FBXO41: variants seen among roughly 807,000 people sequenced by gnomAD.
The protein encoded by FBXO41 is F-box only protein 41.
Under a neutral mutation model 81.6 loss-of-function variants are expected in FBXO41, and 33 were observed. The observed-to-expected ratio is 0.40, with a 90% confidence interval of 0.31 to 0.54. The LOEUF (loss-of-function observed/expected upper bound fraction) is 0.54. Among genes scored for constraint, FBXO41 ranks in the 20% least tolerant of loss-of-function variants. The pLI, the probability that FBXO41 is intolerant of heterozygous loss-of-function variation, is 0.39. For synonymous variants in FBXO41, 576 were observed against 552.7 expected (o/e 1.04, Z -0.59); for missense variants, 1,107 against 1,236.0 (o/e 0.90, Z 1.56).
chr2:73,276,529 G>C (rs980821008), intron 1 of FBXO41, among the ~76,000 whole-genome samples: 3 of 141,176 alleles, frequency 2.1e-5, no homozygotes, highest in African/African-American at 8.0e-5. Flanking sequence ...GAAAAGACCA[G>C]CAAAATAAAC....
In FBXO41 at chr2:73,260,516, C is replaced by T; in HGVS notation, c.2322G>A (p.Glu774=). Residue 774 remains glutamate (E), a synonymous_variant, in exon 11 of 13, where the codon GAG becomes GAA. Transcript: ENST00000520530. This position sits in a 1 kb window ranked among gnomAD's most constrained non-coding sequence, Gnocchi z 5.0. Reference sequence around the variant, plus strand: ...GGGTGATCTCTGACACGTGGTCAAGCTCCAGGACCTGCAGCCGCATGCAGT... The same window carrying T: ...GGGTGATCTCTGACACGTGGTCAAGTTCCAGGACCTGCAGCCGCATGCAGT... ...ARNCMRLQVL[E]LDHVSEITQE... The T allele has an allele frequency of 1.3e-6, 2 of 1,599,618 alleles. No homozygotes were observed. Among genetic ancestry groups the T allele is most frequent in the Admixed American group, 3.5e-5 (2 of 57,942 alleles).
In FBXO41 at chr2:73,269,541, C is replaced by A; in HGVS notation, c.90G>T (p.Glu30Asp). Reference sequence around the variant, plus strand: ...AGAGCGTCTCGTAGGTGTGGCTGTACTCCAGGTGCGCGCGCAGCGACGACA... The same window carrying A: ...AGAGCGTCTCGTAGGTGTGGCTGTAATCCAGGTGCGCGCGCAGCGACGACA... ...RSLSSLRAHL[E>D]YSHTYETLYI... Residue 30 changes from glutamate to aspartate, a missense_variant, in exon 2 of 13, where the codon GAG becomes GAT. This residue lies in a region of FBXO41 where 771 missense variants were observed against 789.2 expected (regional missense o/e 0.98). Transcript: ENST00000520530. This position sits in a 1 kb window ranked among gnomAD's most constrained non-coding sequence, Gnocchi z 7.0. 1 of 1,367,718 alleles carries A rather than the reference C, an allele frequency of 7.3e-7. No homozygotes were observed. The highest frequency in any genetic ancestry group is 9.5e-7 in the Non-Finnish European group (1 of 1,050,682). The allele number at this position is 1,367,718 out of a possible 1,614,324, so 84.7% of individuals were successfully genotyped here.
intron 1 of FBXO41, among the ~76,000 whole-genome samples, chr2:73,274,662 A>C (rs1458147583): frequency 2.0e-5 from 3 of 152,214 alleles, no homozygotes; most frequent in Non-Finnish European, 4.4e-5. Flanking sequence ...CTAATACCAT[A>C]GACTGACAAT....
At chr2:73,263,552 C>T (rs1688099467) in intron 8 of FBXO41, 126 bp downstream of exon 8, 2 of 1,255,994 alleles carry the variant, frequency 1.6e-6, no homozygotes, top group Non-Finnish European at 2.2e-6. Flanking sequence ...GGCTTCCTTT[C>T]CTTCAGCCAT....
chr2:73,263,864 C>T (rs1364677783), intron 7 of FBXO41, 34 bp from the exon 8 acceptor site: 2 of 1,614,072 alleles, frequency 1.2e-6, no homozygotes, highest in Non-Finnish European at 1.7e-6. Flanking sequence ...GAGCTGGCAA[C>T]CTCCTCCTCT....
At chr2:73,265,003 A>G (rs1192818158) in intron 5 of FBXO41, among the ~76,000 whole-genome samples, 2 of 152,062 alleles carry the variant, frequency 1.3e-5, no homozygotes, top group Non-Finnish European at 2.9e-5. Flanking sequence ...GGGGCTTCAG[A>G]GTTTGGAGGC....
intron 1 of FBXO41, among the ~76,000 whole-genome samples, chr2:73,278,951 G>A (rs543150707): frequency 6.6e-6 from 1 of 152,322 alleles, no homozygotes; most frequent in African/African-American, 2.4e-5. Flanking sequence ...ATGGGGTAGT[G>A]TTTGTAGAAT....
rs1688428011 is a variant in FBXO41 at position 73,269,689 on chromosome 2, G to A, written c.-59C>T. On this transcript the variant is annotated 5_prime_UTR_variant, in exon 2 of 13. Transcript: ENST00000520530. The surrounding 1 kb of genome is among the most constrained non-coding windows in gnomAD (Gnocchi z 7.0). ...CGCGGCCGCCCCGCCGGTCAGCCGG[G>A]CGCGCTCATGGGGGACCGCGGGCGA... The A allele has an allele frequency of 9.0e-7, 1 of 1,115,708 alleles. No individual in the cohort carries two copies. Among genetic ancestry groups the A allele is most frequent in the South Asian group, 4.2e-5 (1 of 23,766 alleles). The allele number at this position is 1,115,708 out of a possible 1,614,324, so 69.1% of individuals were successfully genotyped here.
rs1687812552 is a variant in FBXO41 at position 73,256,367 on chromosome 2, T to G, written c.*2615A>C. ...CTCCCAGCAAGCAAAAGCTCCCTAC[T>G]CAGCAGCAGAGCTCATCCCCGAGGA... is the stretch of plus-strand genomic sequence containing the variant. On this transcript the variant is annotated 3_prime_UTR_variant, in exon 13 of 13. Transcript: ENST00000520530. 1 of 152,294 alleles carries G rather than the reference T, an allele frequency of 6.6e-6. No individual in the cohort carries two copies. Among genetic ancestry groups the G allele is most frequent in the South Asian group, 2.1e-4 (1 of 4,826 alleles). The allele number at this position is 152,294 out of a possible 1,614,324, so 9.4% of individuals were successfully genotyped here.
At chr2:73,265,210 AG>A (rs920739436) in intron 5 of FBXO41, 71 bp downstream of exon 5, 40 of 1,388,876 alleles carry the variant, frequency 2.9e-5, no homozygotes, top group South Asian at 1.1e-4. Flanking sequence ...GGGAAAGGGG[AG>A]GGGGGTGCAG....
chr2:73,274,343 A>G (rs1405535021), intron 1 of FBXO41, among the ~76,000 whole-genome samples: 1 of 152,194 alleles, frequency 6.6e-6, no homozygotes, highest in Admixed American at 6.5e-5. Context: ...GCTCATTTTC[A>G]TACTGAACAT....
intron 2 of FBXO41, among the ~76,000 whole-genome samples, chr2:73,267,759 G>A (rs1270277668): frequency 6.6e-6 from 1 of 152,148 alleles, no homozygotes; most frequent in African/African-American, 2.4e-5. Context: ...TGCCTTAAAT[G>A]TGCTCAGAGC....
intron 1 of FBXO41, among the ~76,000 whole-genome samples, chr2:73,283,291 C>A (rs1295831226): frequency 6.6e-6 from 1 of 152,212 alleles, no homozygotes; most frequent in African/African-American, 2.4e-5. Context: ...AACATGTATA[C>A]CTCCCAGAGT....
At chr2:73,279,870 G>A (rs1688797305) in intron 1 of FBXO41, among the ~76,000 whole-genome samples, 1 of 152,204 alleles carries the variant, frequency 6.6e-6, no homozygotes, top group East Asian at 1.9e-4. Context: ...CCCGAGGCAC[G>A]AATAATTCAA....
rs780591267 is a variant in FBXO41 at position 73,266,432 on chromosome 2, G to A, written c.1131+25C>T. On this transcript the variant is annotated intron_variant, in intron 3 of 12. Coordinates refer to ENST00000520530, the MANE Select transcript of FBXO41 (RefSeq NM_001371389.2). The surrounding 1 kb of genome is among the most constrained non-coding windows in gnomAD (Gnocchi z 5.3). ...GTGGGGGGCCAGGTGTGCAGGTAGAGGAGGGAAGGCAGGTGGGCACTCACC... is the reference window on the plus strand; with the variant it reads ...GTGGGGGGCCAGGTGTGCAGGTAGAAGAGGGAAGGCAGGTGGGCACTCACC... 1 of 1,467,006 alleles carries A rather than the reference G, an allele frequency of 6.8e-7. No individual in the cohort carries two copies. The highest frequency in any genetic ancestry group is 9.1e-7 in the Non-Finnish European group (1 of 1,100,922). The allele number at this position is 1,467,006 out of a possible 1,614,324, so 90.9% of individuals were successfully genotyped here.
Position 73,265,900 on chromosome 2 carries a change from T to C in FBXO41, c.1198A>G (p.Ser400Gly). 11 of 1,585,418 alleles carry C rather than the reference T, an allele frequency of 6.9e-6. No individual in the cohort carries two copies. Among genetic ancestry groups the C allele is most frequent in the Non-Finnish European group, 7.7e-6 (9 of 1,165,844 alleles). Residue 400 changes from serine (S) to glycine (G), a missense_variant, in exon 4 of 13, where the codon AGC (serine) becomes GGC (glycine). Physicochemically the swap from Ser to Gly is moderately conservative, Grantham distance 56. This residue lies in a region of FBXO41 where 771 missense variants were observed against 789.2 expected (regional missense o/e 0.98). Coordinates refer to ENST00000520530, the MANE Select transcript of FBXO41 (RefSeq NM_001371389.2). ...YAVSRHGSSP[S>G]TGASSRVPAA... Reference sequence around the variant, plus strand: ...GCTGGGCCCAAGGCTTACCCTGTGCTCGGAGAGGAGCCATGCCGTGACACT... The same window carrying C: ...GCTGGGCCCAAGGCTTACCCTGTGCCCGGAGAGGAGCCATGCCGTGACACT...
chr2:73,269,648 G>C lies in FBXO41; in HGVS notation c.-18C>G. On this transcript the variant is annotated 5_prime_UTR_variant, in exon 2 of 13. Transcript: ENST00000520530. The surrounding 1 kb of genome is among the most constrained non-coding windows in gnomAD (Gnocchi z 7.0). ...GAGGCCATGGCCCCGCCGCCCCCGC[G>C]GCACGCGGGCTCCACCGCGGCCGCC... 2 of 1,172,082 alleles carry C rather than the reference G, an allele frequency of 1.7e-6. No individual in the cohort carries two copies. The highest frequency in any genetic ancestry group is 2.1e-6 in the Non-Finnish European group (2 of 951,768). 72.6% of individuals were successfully genotyped at this position (1,172,082 alleles called of 1,614,324 possible). A position where few individuals can be genotyped will look rare whatever the true frequency, so the allele number is the denominator to read the frequency against.
chr2:73,276,960 C>T (rs1415787801), intron 1 of FBXO41, among the ~76,000 whole-genome samples: 1 of 152,198 alleles, frequency 6.6e-6, no homozygotes, highest in African/African-American at 2.4e-5. Context: ...ATCTGTTCAT[C>T]CTAACTAAGT....
In FBXO41 at chr2:73,260,488, C is replaced by T. The variant is rs1359394893; in HGVS notation, c.2350G>A (p.Glu784Lys). Residue 784 changes from glutamate to lysine, a missense_variant, in exon 11 of 13, where the codon GAG (glutamate) becomes AAG (lysine). Glu to Lys is a moderately conservative substitution (Grantham distance 56). This residue lies in a region of FBXO41 where 336 missense variants were observed against 446.7 expected (regional missense o/e 0.75). Transcript: ENST00000520530. This position sits in a 1 kb window ranked among gnomAD's most constrained non-coding sequence, Gnocchi z 5.0. ...ELDHVSEITQ[E>K]VAAEVCREGL... The stretch of plus-strand genomic sequence containing the variant: ...TCCCGGCAGACCTCTGCTGCCACCT[C>T]CTGGGTGATCTCTGACACGTGGTCA... The T allele has an allele frequency of 6.2e-7, 1 of 1,603,890 alleles. No individual in the cohort carries two copies. The highest frequency in any genetic ancestry group is 1.1e-5 in the South Asian group (1 of 88,946).
Sources: gnomAD v4.1 joint callset for allele counts (sites outside exome capture counted in the v4.1 genomes callset) on GRCh38, gnomAD v4.1.1 for gene constraint, gnomAD v4.1.1 regional missense constraint, Gnocchi (gnomAD v3.1) non-coding constraint, MANE v1.5 for transcripts, NCBI Gene and HGNC (gene_info 2026-07-23, HGNC 2026-07-21) for gene names.